Variants in VPS53 observed in about 807,000 individuals in gnomAD.
The protein encoded by VPS53 is vacuolar protein sorting-associated protein 53 homolog.
Under a neutral mutation model 107.0 loss-of-function variants are expected in VPS53, and 70 were observed. That is an observed-to-expected ratio of 0.65 (90% CI 0.54 to 0.80). VPS53 has a LOEUF of 0.80. VPS53 is among the 30% of genes least tolerant of loss of function. The probability of loss-of-function intolerance (pLI) is 0.00; values close to 1 mark genes in which losing one functional copy is unlikely to be tolerated. For missense variants in VPS53, 917 were observed against 1,049.4 expected (o/e 0.87, Z 1.74); for synonymous variants, 409 against 393.3 (o/e 1.04, Z -0.47).
chr17:544,887 C>G (rs1295880794), intron 17 of VPS53, among the ~76,000 whole-genome samples: 1 of 152,024 alleles, frequency 6.6e-6, no homozygotes, highest in Non-Finnish European at 1.5e-5. Context: ...TGAGACTGGC[C>G]TGGGCAACAT....
intron 2 of VPS53, among the ~76,000 whole-genome samples, chr17:706,773 C>T (rs115857870): frequency 6.6e-6 from 1 of 151,946 alleles, no homozygotes; most frequent in Non-Finnish European, 1.5e-5. Flanking sequence ...ACTTTCATGC[C>T]CTCAGGTACC....
At position 514,481 on chromosome 17, in the gene VPS53, G is replaced by A. The variant is rs896778712; in HGVS notation, c.*4647C>T. ...TCCCATTTCCAGCAGGTTATTCTGA[G>A]TGCTCTTCCTAGCCAAGGAATCCCA... On this transcript the variant is annotated 3_prime_UTR_variant, in exon 22 of 22. Coordinates refer to ENST00000437048, the MANE Select transcript of VPS53 (RefSeq NM_001128159.3). The A allele has an allele frequency of 1.4e-5, 2 of 146,134 alleles. No homozygotes were observed. The highest frequency in any genetic ancestry group is 3.0e-5 in the Non-Finnish European group (2 of 66,662). The allele number at this position is 146,134 out of a possible 1,614,324, so 9.1% of individuals were successfully genotyped here. A position where few individuals can be genotyped will look rare whatever the true frequency, so the allele number is the denominator to read the frequency against.
At chr17:559,262 T>C (rs1912725106) in intron 15 of VPS53, among the ~76,000 whole-genome samples, 1 of 152,206 alleles carries the variant, frequency 6.6e-6, no homozygotes, top group Admixed American at 6.5e-5. Flanking sequence ...TTGAGGATGA[T>C]GGGATTAAAA....
At chr17:573,651 T>C (rs1488346751) in intron 13 of VPS53, among the ~76,000 whole-genome samples, 1 of 152,150 alleles carries the variant, frequency 6.6e-6, no homozygotes, top group Non-Finnish European at 1.5e-5. Context: ...CCTCTTCTCC[T>C]CCTCGCCACA....
intron 3 of VPS53, 21 bp downstream of exon 3, chr17:699,310 C>A (rs1354935927): frequency 1.3e-6 from 2 of 1,518,410 alleles, no homozygotes; most frequent in African/African-American, 2.9e-5. Flanking sequence ...TAATTATGAA[C>A]AATCACACAG....
intron 7 of VPS53, among the ~76,000 whole-genome samples, chr17:632,194 G>A (rs1001566715): frequency 6.6e-6 from 1 of 152,114 alleles, no homozygotes; most frequent in African/African-American, 2.4e-5. Flanking sequence ...GATACACTGA[G>A]CTATGATCAC....
At chr17:706,345 T>C (rs1414810213) in intron 2 of VPS53, among the ~76,000 whole-genome samples, 1 of 152,022 alleles carries the variant, frequency 6.6e-6, no homozygotes, top group Admixed American at 6.6e-5. Context: ...GAAACCATCC[T>C]GGCCAACATG....
rs1971034723 is a variant in VPS53 at position 653,298 on chromosome 17, A to C, written c.601T>G (p.Ser201Ala). The C allele has an allele frequency of 6.2e-7, 1 of 1,614,028 alleles. No individual in the cohort carries two copies. Among genetic ancestry groups the C allele is most frequent in the Admixed American group, 1.7e-5 (1 of 60,008 alleles). Residue 201 changes from serine to alanine, a missense_variant, in exon 7 of 22, where the codon TCC (serine) becomes GCC (alanine). Transcript: ENST00000437048. Reference protein sequence around the residue: ...YMGIPQIRQLSERVKAAQTEL... With the variant: ...YMGIPQIRQLAERVKAAQTEL... ...CCTCTGGTGACAGTTTACCTTTCGGAAAGCTGCCGGATCTGCGGAATCCCC... is the reference window on the plus strand; with the variant it reads ...CCTCTGGTGACAGTTTACCTTTCGGCAAGCTGCCGGATCTGCGGAATCCCC...
At chr17:551,705 C>G in intron 17 of VPS53, 167 bp downstream of exon 17, 1 of 474,778 alleles carries the variant, frequency 2.1e-6, no homozygotes, top group African/African-American at 2.0e-5. Flanking sequence ...TGAACTGACG[C>G]AGGTGCGACA....
chr17:615,387 A>C (rs987239023), intron 11 of VPS53, among the ~76,000 whole-genome samples: 2 of 152,202 alleles, frequency 1.3e-5, no homozygotes, highest in Non-Finnish European at 2.9e-5. Flanking sequence ...GGAGGAGCTG[A>C]GCTGTGGCAG....
chr17:628,245 C>T lies in VPS53; in HGVS notation c.688-14G>A, dbSNP rs1969801441. The T allele has an allele frequency of 6.2e-7, 1 of 1,611,992 alleles. No individual in the cohort carries two copies. On this transcript the variant is annotated splice_polypyrimidine_tract_variant and intron_variant, in intron 8 of 21. Transcript: ENST00000437048. ...TCCTCCTGGTCTCTAGTAAAACAAA[C>T]ATGTACCAGGTGAAAAGCCAGAAAC... is the stretch of plus-strand genomic sequence containing the variant.
intron 12 of VPS53, among the ~76,000 whole-genome samples, chr17:597,205 C>A (rs1968016470): frequency 6.6e-6 from 1 of 152,174 alleles, no homozygotes; most frequent in South Asian, 2.1e-4. Context: ...TGACCCTTAC[C>A]TTGAGGGCCA....
chr17:713,730 T>C (rs1182778482), intron 1 of VPS53, among the ~76,000 whole-genome samples: 1 of 150,980 alleles, frequency 6.6e-6, no homozygotes, highest in Non-Finnish European at 1.5e-5. Context: ...CTCAATAAAC[T>C]TGCAAAGGCA....
At chr17:555,454 C>A (rs1912246824) in intron 15 of VPS53, among the ~76,000 whole-genome samples, 1 of 152,178 alleles carries the variant, frequency 6.6e-6, no homozygotes, top group African/African-American at 2.4e-5. Context: ...GCCTCAGCCT[C>A]CCAAAGTGCT....
chr17:683,951 G>A (rs1171793718), intron 4 of VPS53, among the ~76,000 whole-genome samples: 3 of 152,152 alleles, frequency 2.0e-5, no homozygotes, highest in Non-Finnish European at 4.4e-5. Flanking sequence ...TTCATAATAC[G>A]TAAAAACAAG....
chr17:610,067 CT>C (rs371924353), intron 11 of VPS53, among the ~76,000 whole-genome samples: 1 of 150,962 alleles, frequency 6.6e-6, no homozygotes, highest in African/African-American at 2.4e-5. Context: ...GGAGGCAGAG[CT>C]TGCAGTGAGC....
At chr17:629,015 G>T (rs939796746) in intron 8 of VPS53, among the ~76,000 whole-genome samples, 2 of 152,146 alleles carry the variant, frequency 1.3e-5, no homozygotes, top group Admixed American at 6.5e-5. Flanking sequence ...ATCTACTCCT[G>T]GCTTGGCTAA....
chr17:635,303 A>G (rs1007288229), intron 7 of VPS53, among the ~76,000 whole-genome samples: 4 of 152,148 alleles, frequency 2.6e-5, no homozygotes, highest in Admixed American at 2.0e-4. Flanking sequence ...TTAGCCCTTC[A>G]TCAGATGAGT....
chr17:679,974 C>G (rs1972325453), intron 4 of VPS53, among the ~76,000 whole-genome samples: 1 of 151,824 alleles, frequency 6.6e-6, no homozygotes, highest in Non-Finnish European at 1.5e-5. Context: ...ATGGTGAAAC[C>G]CCGTCTCTAC....
Sources: allele counts gnomAD v4.1 joint callset (sites outside exome capture counted in the v4.1 genomes callset), GRCh38; gene constraint gnomAD v4.1.1; transcripts MANE v1.5; gene names NCBI Gene and HGNC (gene_info 2026-07-23, HGNC 2026-07-21).